The following PBRM1 variants were observed in gnomAD, a reference collection of about 807,000 sequenced individuals.
PBRM1 encodes the protein polybromo 1, also known as protein polybromo-1.
Under a neutral mutation model 194.5 loss-of-function variants are expected in PBRM1, and 27 were observed. The observed-to-expected ratio is 0.14, with a 90% CI of 0.10 to 0.19. PBRM1 has a LOEUF of 0.19. Ranked by LOEUF, PBRM1 falls within the 10% of genes least tolerant of loss-of-function variation. The pLI, the probability that PBRM1 is intolerant of heterozygous loss-of-function variation, is 1.00. For synonymous variants in PBRM1, 655 were observed against 693.2 expected (o/e 0.94, Z 0.87); for missense variants, 1,466 against 2,077.2 (o/e 0.71, Z 5.72).
intron 27 of PBRM1, among the ~76,000 whole-genome samples, chr3:52,554,363 A>G (rs998708357): frequency 3.9e-5 from 6 of 152,248 alleles, no homozygotes; most frequent in South Asian, 2.1e-4. Flanking sequence ...CTGAACTAGC[A>G]ATTTGGGAAA....
intron 22 of PBRM1, among the ~76,000 whole-genome samples, chr3:52,570,817 A>G (rs556993790): frequency 1.3e-5 from 2 of 150,762 alleles, no homozygotes; most frequent in Non-Finnish European, 2.9e-5. Context: ...TTTCTCAATA[A>G]TTTTCTTATA....
Position 52,617,223 on chromosome 3 carries a change from G to A in PBRM1, c.1818+39C>T, listed in dbSNP as rs146171360. The A allele has an allele frequency of 8.9e-6, 14 of 1,573,310 alleles. No homozygotes were observed. In the East Asian group the frequency reaches 1.6e-4, roughly 18 times the overall value. ...ATTATTCTATAAGTACCCCTCTCCCGCAAAATGTGCCTACTTCAGGACCGC... is the reference window on the plus strand; with the variant it reads ...ATTATTCTATAAGTACCCCTCTCCCACAAAATGTGCCTACTTCAGGACCGC... On this transcript the variant is annotated intron_variant, in intron 14 of 29. Transcript: ENST00000296302.
chr3:52,550,903 C>A (rs926267263), intron 27 of PBRM1, 86 bp from the exon 30 acceptor site: 1 of 879,318 alleles, frequency 1.1e-6, no homozygotes. Context: ...TGATGCCATT[C>A]ATAATTCAAA....
exon 9 of PBRM1, chr3:52,643,267 G>T (rs2096175216): frequency 6.2e-7 from 1 of 1,612,820 alleles, no homozygotes; most frequent in African/African-American, 1.3e-5. Flanking sequence ...TTGCTAGTGG[G>T]ATTTCTCTCT....
At chr3:52,639,735 T>A (rs980315575) in intron 10 of PBRM1, among the ~76,000 whole-genome samples, 70 of 139,958 alleles carry the variant, frequency 5.0e-4, no homozygotes, top group East Asian at 2.2e-3. Flanking sequence ...GCCTTAAAAA[T>A]TTTTTTTTTT....
intron 2 of PBRM1, among the ~76,000 whole-genome samples, chr3:52,670,019 A>G (rs996620126): frequency 6.6e-6 from 1 of 151,888 alleles, no homozygotes; most frequent in African/African-American, 2.4e-5. Flanking sequence ...TAGGGCTCTG[A>G]TAACTTAATA....
intron 2 of PBRM1, among the ~76,000 whole-genome samples, chr3:52,674,665 T>TATAC (rs1342966203): frequency 2.1e-4 from 29 of 136,800 alleles, no homozygotes; most frequent in African/African-American, 6.0e-4. Flanking sequence ...TATATATATA[T>TATAC]ACACACACAC....
intron 22 of PBRM1, among the ~76,000 whole-genome samples, chr3:52,570,431 C>T (rs546394536): frequency 1.3e-5 from 2 of 152,162 alleles, no homozygotes; most frequent in Non-Finnish European, 2.9e-5. Flanking sequence ...CTTTTATTTA[C>T]ATAATTCAAA....
intron 22 of PBRM1, among the ~76,000 whole-genome samples, chr3:52,567,144 G>T (rs773584609): frequency 6.6e-6 from 1 of 151,318 alleles, no homozygotes; most frequent in Non-Finnish European, 1.5e-5. Context: ...CCCATAAATG[G>T]TAGCATATCA....
At chr3:52,553,488 C>CTTT (rs35486235) in intron 27 of PBRM1, among the ~76,000 whole-genome samples, 5 of 128,988 alleles carry the variant, frequency 3.9e-5, no homozygotes, top group Non-Finnish European at 8.4e-5. Context: ...TAATGTCAGG[C>CTTT]TTTTTTTTTT....
intron 7 of PBRM1, among the ~76,000 whole-genome samples, chr3:52,647,919 T>C (rs1443250259): frequency 6.6e-6 from 1 of 151,200 alleles, no homozygotes; most frequent in African/African-American, 2.4e-5. Flanking sequence ...TTAAATACTT[T>C]TTTTTTTTTC....
At chr3:52,627,452 T>C (rs138385953) in intron 12 of PBRM1, 82 bp from the exon 14 acceptor site, 16 of 741,164 alleles carry the variant, frequency 2.2e-5, no homozygotes, top group African/African-American at 5.2e-5. Context: ...GCTAGACATA[T>C]CAGATTCACT....
Position 52,609,906 on chromosome 3 carries a change from C to T in PBRM1, c.1974G>A (p.Met658Ile). ...CATAGACCTCATTTAGTTTCTGCTGCATTGGAGTCATGTATTTTGATTTTT... is the reference window on the plus strand; with the variant it reads ...CATAGACCTCATTTAGTTTCTGCTGTATTGGAGTCATGTATTTTGATTTTT... The change falls in exon 16 of 30, where the codon ATG becomes ATA. Residue 658 changes from methionine to isoleucine, a missense_variant. Physicochemically the swap from Met to Ile is conservative, Grantham distance 10. This residue lies in a region of PBRM1 where 687 missense variants were observed against 946.2 expected (regional missense o/e 0.73). Transcript: ENST00000296302. This position sits in a 1 kb window ranked among gnomAD's most constrained non-coding sequence, Gnocchi z 4.1. 1 of 1,547,050 alleles carries T rather than the reference C, an allele frequency of 6.5e-7. No homozygotes were observed. Among genetic ancestry groups the T allele is most frequent in the Non-Finnish European group, 8.7e-7 (1 of 1,147,454 alleles).
exon 18 of PBRM1, chr3:52,589,131 A>G (rs1186018559): frequency 6.2e-7 from 1 of 1,613,380 alleles, no homozygotes; most frequent in African/African-American, 1.3e-5. Flanking sequence ...TGGCCTCTGC[A>G]GGTTCCACAT....
intron 6 of PBRM1, 40 bp from the exon 8 acceptor site, chr3:52,648,482 G>C (rs754205949): frequency 4.8e-6 from 5 of 1,050,180 alleles, no homozygotes; most frequent in Non-Finnish European, 7.3e-6. Context: ...CTTTTAATGA[G>C]AGTTCATCAG....
rs201898102 is a variant in PBRM1 at position 52,668,796 on chromosome 3, A to AAG, written c.237-152_237-151insCT. 3,509 of 433,452 alleles carry AAG rather than the reference A, an allele frequency of 8.1e-3. 29 individuals carry two copies. Among genetic ancestry groups the AAG allele is most frequent in the Non-Finnish European group, 1.0e-2 (2,541 of 254,636 alleles). The allele number at this position is 433,452 out of a possible 1,614,324, so 26.9% of individuals were successfully genotyped here. ...TTGAAGCTTACTTAAAAAAAAAAAA[A>AAG]AAAGAAAAAAATCTGCAAAAAAAGA... On this transcript the variant is annotated intron_variant, in intron 2 of 29. Coordinates refer to ENST00000296302, the Ensembl canonical transcript of PBRM1.
chr3:52,607,688 T>C (rs1052707559), intron 16 of PBRM1, among the ~76,000 whole-genome samples: 1 of 152,172 alleles, frequency 6.6e-6, no homozygotes, highest in African/African-American at 2.4e-5. Flanking sequence ...AAAGCAGAGT[T>C]TGTTTTGCCC....
chr3:52,660,574 A>G (rs1318800842), intron 4 of PBRM1, among the ~76,000 whole-genome samples: 3 of 152,060 alleles, frequency 2.0e-5, no homozygotes, highest in Non-Finnish European at 4.4e-5. Flanking sequence ...GTACAGTGGC[A>G]TGATCTCAGC....
At chr3:52,620,140 C>T (rs147869781) in intron 13 of PBRM1, among the ~76,000 whole-genome samples, 105 of 152,308 alleles carry the variant, frequency 6.9e-4, no homozygotes, top group East Asian at 4.0e-3. Flanking sequence ...TCTAAGTCTT[C>T]GGCAAGTGGA....
Sources: allele counts gnomAD v4.1 joint callset (sites outside exome capture counted in the v4.1 genomes callset), GRCh38; gene constraint gnomAD v4.1.1; regional missense constraint gnomAD v4.1.1; non-coding constraint Gnocchi (gnomAD v3.1); transcripts MANE v1.5; gene names NCBI Gene and HGNC (gene_info 2026-07-23, HGNC 2026-07-21).